The following SLC16A6 variants were observed in gnomAD, a reference collection of about 807,000 sequenced individuals.
SLC16A6 encodes solute carrier family 16 member 6.
In SLC16A6, 15 loss-of-function variants were observed where a neutral mutation model predicts 33.8. The observed-to-expected ratio is 0.44, with a 90% CI of 0.30 to 0.68. SLC16A6 has a LOEUF of 0.68. Among genes scored for constraint, SLC16A6 ranks in the 30% least tolerant of loss-of-function variants. The pLI, the probability that SLC16A6 is intolerant of heterozygous loss-of-function variation, is 0.10. For missense variants in SLC16A6, 451 were observed against 661.5 expected, an observed-to-expected ratio of 0.68 and a Z score of 3.49; for synonymous variants, 219 against 248.4, an observed-to-expected ratio of 0.88 and a Z score of 1.11.
chr17:68,272,899 G>A, intron 3 of SLC16A6, 132 bp from the exon 4 acceptor site: 1 of 1,068,538 alleles, frequency 9.4e-7, no homozygotes, highest in South Asian at 1.5e-5. Flanking sequence ...AATTCATTCT[G>A]GACAAAGGTG....
intron 1 of SLC16A6, among the ~76,000 whole-genome samples, chr17:68,280,868 T>C (rs903185437): frequency 5.9e-5 from 9 of 152,206 alleles, no homozygotes; most frequent in African/African-American, 2.2e-4. Context: ...TGTCACGCTA[T>C]AATCCCAGCA....
rs2075205557 is a variant in SLC16A6 at position 68,267,890 on chromosome 17, AC to A, written c.*1205del. ...TCGCTATAACATAATTGTCTCTGTT[AC>A]CCCCATGTGAAATACAGAAATGCTT... On this transcript the variant is annotated 3_prime_UTR_variant, in exon 6 of 6. Coordinates refer to ENST00000580666, the MANE Select transcript of SLC16A6 (RefSeq NM_004694.5). The A allele has an allele frequency of 6.6e-6, 1 of 152,214 alleles. No individual in the cohort carries two copies. Among genetic ancestry groups the A allele is most frequent in the South Asian group, 2.1e-4 (1 of 4,836 alleles). 9.4% of individuals were successfully genotyped at this position (152,214 alleles called of 1,614,324 possible). A position where few individuals can be genotyped will look rare whatever the true frequency, so the allele number is the denominator to read the frequency against.
In SLC16A6 at chr17:68,268,185, G is replaced by C. The variant is rs1555747016; in HGVS notation, c.*911C>G. 2 of 152,404 alleles carry C rather than the reference G, an allele frequency of 1.3e-5. No homozygotes were observed. Among genetic ancestry groups the C allele is most frequent in the Non-Finnish European group, 2.9e-5 (2 of 68,028 alleles). The allele number at this position is 152,404 out of a possible 1,614,324, so 9.4% of individuals were successfully genotyped here. On this transcript the variant is annotated 3_prime_UTR_variant, in exon 6 of 6. Transcript: ENST00000580666. ...TGAGGCATTTAAAGGATTGCAGAAA[G>C]GAGGTAAAAATGCTGCTTATGTCTC...
intron 2 of SLC16A6, among the ~76,000 whole-genome samples, chr17:68,275,317 G>A (rs549680365): frequency 1.2e-4 from 18 of 152,262 alleles, no homozygotes; most frequent in Admixed American, 7.9e-4. Context: ...ACAACAACAT[G>A]CTAGAAAAGG....
chr17:68,271,060 A>G lies in SLC16A6; in HGVS notation c.1100T>C (p.Ile367Thr). ...GGCAAACAGAGACACAGTCAATAAG[A>G]TGACGCAGATGAGCTCAATGTAAAT... ...RKIYIELICV[I>T]LLTVSLFAFT... The change falls in exon 5 of 6, where the codon ATC becomes ACC. Residue 367 changes from isoleucine (I) to threonine (T), a missense_variant. Around this residue, in one of 2 missense-constraint regions of SLC16A6, gnomAD observed 405 missense variants for 510.7 expected, o/e 0.79. Transcript: ENST00000580666. This position sits in a 1 kb window ranked among gnomAD's most constrained non-coding sequence, Gnocchi z 5.3. The G allele has an allele frequency of 6.2e-7, 1 of 1,614,220 alleles. No homozygotes were observed. Among genetic ancestry groups the G allele is most frequent in the Admixed American group, 1.7e-5 (1 of 60,028 alleles).
At chr17:68,276,745 T>C (rs1555751099) in intron 2 of SLC16A6, among the ~76,000 whole-genome samples, 1 of 152,102 alleles carries the variant, frequency 6.6e-6, no homozygotes, top group Non-Finnish European at 1.5e-5. Flanking sequence ...TGAGCCACCA[T>C]GCCCAGCTTG....
At chr17:68,290,919 A>G (rs1599578442) in intron 1 of SLC16A6, among the ~76,000 whole-genome samples, 167 bp downstream of exon 1, 1 of 29,568 alleles carries the variant, frequency 3.4e-5, no homozygotes, top group Non-Finnish European at 7.8e-5. Flanking sequence ...GGGCATTCCT[A>G]ACTGTCAGAG....
Position 68,271,859 on chromosome 17 carries a change from G to T in SLC16A6, c.506-205C>A, listed in dbSNP as rs138058488. 4.8e-3 allele frequency among the ~76,000 whole-genome samples: 730 copies of T among 152,294 alleles called. 7 individuals are homozygous for T. The highest frequency in any genetic ancestry group is 7.4e-3 in the Non-Finnish European group (502 of 68,022). ...CACTCTGTCACCAGGCTGGAGTGCA[G>T]TGGCCTGATCTCAGCTCACCGCAAC... On this transcript the variant is annotated intron_variant, in intron 4 of 5. Coordinates refer to ENST00000580666, the MANE Select transcript of SLC16A6 (RefSeq NM_004694.5). The surrounding 1 kb of genome is among the most constrained non-coding windows in gnomAD (Gnocchi z 5.3).
rs782767113 is a variant in SLC16A6 at position 68,269,131 on chromosome 17, C to T, written c.1537G>A (p.Glu513Lys). The change falls in exon 6 of 6, where the codon GAG becomes AAG. Residue 513 changes from glutamate (E) to lysine (K), a missense_variant. Glu to Lys is a moderately conservative substitution (Grantham distance 56). Coordinates refer to ENST00000580666, the MANE Select transcript of SLC16A6 (RefSeq NM_004694.5). ...DFLEMDLAKN[E>K]HRVHVQMEPV ...TCCATTTGCACGTGAACTCTGTGCT[C>T]ATTTTTTGCAAGATCCATTTCCAGA... 1.3e-6 allele frequency: 2 copies of T among 1,512,822 alleles called. No homozygotes were observed. The highest frequency in any genetic ancestry group is 1.4e-5 in the African/African-American group (1 of 70,306). The allele number at this position is 1,512,822 out of a possible 1,614,324, so 93.7% of individuals were successfully genotyped here.
chr17:68,289,227 G>A (rs1008098448), intron 1 of SLC16A6, among the ~76,000 whole-genome samples: 3 of 152,118 alleles, frequency 2.0e-5, no homozygotes, highest in African/African-American at 7.2e-5. Flanking sequence ...GAGCCCGGGA[G>A]GTCGAGGCTG....
chr17:68,276,556 C>A (rs1484248004), intron 2 of SLC16A6, among the ~76,000 whole-genome samples: 4 of 152,258 alleles, frequency 2.6e-5, no homozygotes, highest in African/African-American at 9.6e-5. Flanking sequence ...TCAAGCAATT[C>A]TCGCTCTGCA....
chr17:68,286,724 C>T (rs2075851195), intron 1 of SLC16A6, among the ~76,000 whole-genome samples: 1 of 152,022 alleles, frequency 6.6e-6, no homozygotes, highest in Admixed American at 6.6e-5. Flanking sequence ...AGGCTGGTCT[C>T]GAACTCCTGA....
At chr17:68,290,786 G>A (rs2075959806) in intron 1 of SLC16A6, among the ~76,000 whole-genome samples, 1 of 152,238 alleles carries the variant, frequency 6.6e-6, no homozygotes, top group Non-Finnish European at 1.5e-5. Context: ...CCAACCCGGG[G>A]CAGGGGGCAC....
At position 68,278,261 on chromosome 17, in the gene SLC16A6, A is replaced by G. The variant is rs782456928; in HGVS notation, c.60T>C (p.Asp20=). The G allele has an allele frequency of 6.2e-6, 10 of 1,614,066 alleles. No homozygotes were observed. Among genetic ancestry groups the G allele is most frequent in the South Asian group, 5.5e-5 (5 of 91,088 alleles). Residue 20 remains aspartate (D), a synonymous_variant, in exon 2 of 6, where the codon GAT becomes GAC. Transcript: ENST00000580666. ...CAGCTACCGCCCAGCCCCATCCTCC[A>G]TCAGGCACTTCAGTATACACATTGG... ...SKANVYTEVP[D]GGWGWAVAVS...
rs1185517820 is a variant in SLC16A6, at chr17:68,267,245, T to C, written c.*1851A>G. ...ATCAGTTATAAATATTAAATTGTAT[T>C]GAACATTCATAGTAAAAAATATGTC... On this transcript the variant is annotated 3_prime_UTR_variant, in exon 6 of 6. Transcript: ENST00000580666. 6.6e-6 allele frequency: 1 copy of C among 152,220 alleles called. No individual in the cohort carries two copies. Among genetic ancestry groups the C allele is most frequent in the Non-Finnish European group, 1.5e-5 (1 of 68,040 alleles). 9.4% of individuals were successfully genotyped at this position (152,220 alleles called of 1,614,324 possible).
At chr17:68,288,516 C>T (rs1048016948) in intron 1 of SLC16A6, among the ~76,000 whole-genome samples, 1 of 152,072 alleles carries the variant, frequency 6.6e-6, no homozygotes, top group Non-Finnish European at 1.5e-5. Context: ...ACTGGTGAGG[C>T]GAGCTGAGTC....
intron 2 of SLC16A6, among the ~76,000 whole-genome samples, chr17:68,277,197 T>A (rs1555751226): frequency 1.3e-5 from 2 of 152,068 alleles, no homozygotes; most frequent in South Asian, 4.1e-4. Context: ...AATGGCATGA[T>A]CTGGGCTTAC....
Position 68,273,210 on chromosome 17 carries a change from A to AT in SLC16A6, c.377-444dup, listed in dbSNP as rs879951885. 3.0e-3 allele frequency among the ~76,000 whole-genome samples: 431 copies of AT among 144,106 alleles called. 1 individual carries two copies. The highest frequency in any genetic ancestry group is 7.0e-3 in the Admixed American group (101 of 14,394). The allele number at this position is 144,106 out of a possible 152,430, so 94.5% of individuals were successfully genotyped here. A position where few individuals can be genotyped will look rare whatever the true frequency, so the allele number is the denominator to read the frequency against. ...ATGGCCTCCTTTTATTGTTCATTTC[A>AT]TTTTTTTTTTTTTAAACAGACAGGG... On this transcript the variant is annotated intron_variant, in intron 3 of 5. Transcript: ENST00000580666.
In SLC16A6 at chr17:68,274,068, G is replaced by C. The variant is rs782821002; in HGVS notation, c.235C>G (p.Pro79Ala). The C allele has an allele frequency of 6.2e-7, 1 of 1,612,016 alleles. No homozygotes were observed. Among genetic ancestry groups the C allele is most frequent in the Non-Finnish European group, 8.5e-7 (1 of 1,178,548 alleles). Residue 79 changes from proline to alanine, a missense_variant and splice_region_variant, in exon 3 of 6, where the codon CCC becomes GCC. Physicochemically the swap from Pro to Ala is conservative, Grantham distance 27. Coordinates refer to ENST00000580666, the MANE Select transcript of SLC16A6 (RefSeq NM_004694.5). Reference protein sequence around the residue: ...ICVFVLTFSAPLATVLSNRFG... With the variant: ...ICVFVLTFSAALATVLSNRFG... ...CGATTGCTCAGGACTGTGGCGAGGG[G>C]AGCTGCCGGGAAAGAACAAAACGAT...
Sources: allele counts gnomAD v4.1 joint callset (sites outside exome capture counted in the v4.1 genomes callset), GRCh38; gene constraint gnomAD v4.1.1; regional missense constraint gnomAD v4.1.1; non-coding constraint Gnocchi (gnomAD v3.1); transcripts MANE v1.5; gene names NCBI Gene and HGNC (gene_info 2026-07-23, HGNC 2026-07-21).